The following CHAC2 variants were observed in gnomAD, a reference collection of about 807,000 sequenced individuals.
CHAC2 encodes the protein ChaC glutathione specific gamma-glutamylcyclotransferase 2.
A neutral mutation model predicts 16.9 loss-of-function variants in CHAC2; 20 were observed. The observed-to-expected ratio is 1.18, with a 90% CI of 0.83 to 1.72. CHAC2 has a LOEUF of 1.72. CHAC2 is among the 40% of genes most tolerant of loss of function. The pLI, the probability that CHAC2 is intolerant of heterozygous loss-of-function variation, is 0.00. For synonymous variants in CHAC2, 91 were observed against 77.3 expected (o/e 1.18, Z -0.93); for missense variants, 269 against 222.2 (o/e 1.21, Z -1.34).
chr2:53,772,495 G>C (rs1674013679), intron 2 of CHAC2, among the ~76,000 whole-genome samples: 1 of 151,940 alleles, frequency 6.6e-6, no homozygotes, highest in Non-Finnish European at 1.5e-5. Flanking sequence ...TTAAAAACAA[G>C]TTTATTAACT....
chr2:53,769,722 A>G (rs1406749358), intron 1 of CHAC2, among the ~76,000 whole-genome samples: 3 of 152,194 alleles, frequency 2.0e-5, no homozygotes, highest in African/African-American at 7.2e-5. Flanking sequence ...GGCGCACGCC[A>G]GTAGAGTCCC....
At chr2:53,768,578 G>C (rs1429587418) in intron 1 of CHAC2, among the ~76,000 whole-genome samples, 4 of 152,160 alleles carry the variant, frequency 2.6e-5, no homozygotes, top group African/African-American at 9.7e-5. Context: ...ATTTTCGCTG[G>C]TTATTAAGGA....
At position 53,767,923 on chromosome 2, in the gene CHAC2, G is replaced by A. The variant is rs139058901; in HGVS notation, c.37G>A (p.Val13Met). The A allele has an allele frequency of 1.2e-6, 2 of 1,613,830 alleles. No individual in the cohort carries two copies. Among genetic ancestry groups the A allele is most frequent in the Non-Finnish European group, 1.7e-6 (2 of 1,179,934 alleles). Residue 13 changes from valine to methionine, a missense_variant, in exon 1 of 3, where the codon GTG becomes ATG. Physicochemically the swap from Val to Met is conservative, Grantham distance 21. Transcript: ENST00000295304. ...VFGYGSLIWK[V>M]DFPYQDKLVG... Reference sequence around the variant, plus strand: ...TGGTTACGGGTCCCTGATCTGGAAGGTGGATTTCCCCTATCAGGACAAGCT... The same window carrying A: ...TGGTTACGGGTCCCTGATCTGGAAGATGGATTTCCCCTATCAGGACAAGCT...
chr2:53,767,878 C>T lies in CHAC2; in HGVS notation c.-9C>T, dbSNP rs748378061. 3 of 1,603,306 alleles carry T rather than the reference C, an allele frequency of 1.9e-6. No homozygotes were observed. Among genetic ancestry groups the T allele is most frequent in the Non-Finnish European group, 2.6e-6 (3 of 1,175,112 alleles). The stretch of plus-strand genomic sequence containing the variant: ...TTCACGGCCACTGGGGCAGAGGAGC[C>T]GCGAGAAGATGTGGGTTTTTGGTTA... On this transcript the variant is annotated 5_prime_UTR_variant, in exon 1 of 3. Coordinates refer to ENST00000295304, the MANE Select transcript of CHAC2 (RefSeq NM_001008708.4).
At position 53,774,478 on chromosome 2, in the gene CHAC2, T is replaced by A. The variant is rs769456826; in HGVS notation, c.508T>A (p.Leu170Ile). 2 of 1,585,990 alleles carry A rather than the reference T, an allele frequency of 1.3e-6. No individual in the cohort carries two copies. Among genetic ancestry groups the A allele is most frequent in the Non-Finnish European group, 1.7e-6 (2 of 1,170,516 alleles). The stretch of plus-strand genomic sequence containing the variant: ...TGAGCATCTTTTCGCTTTGGAAAAA[T>A]TAGTAAAGGAACGTTTAGAAGGGAA... ...ADEHLFALEK[L>I]VKERLEGKQN... Residue 170 changes from leucine (L) to isoleucine (I), a missense_variant, in exon 3 of 3, where the codon TTA becomes ATA. Coordinates refer to ENST00000295304, the MANE Select transcript of CHAC2 (RefSeq NM_001008708.4).
chr2:53,771,164 G>C (rs898263284), intron 1 of CHAC2, among the ~76,000 whole-genome samples: 2 of 152,144 alleles, frequency 1.3e-5, no homozygotes, highest in African/African-American at 2.4e-5. Flanking sequence ...CACTAAATTT[G>C]AAAGTCACTT....
intron 1 of CHAC2, among the ~76,000 whole-genome samples, chr2:53,771,415 A>AG (rs35718629): frequency 2.4e-4 from 36 of 152,158 alleles, no homozygotes; most frequent in Non-Finnish European, 4.1e-4. Flanking sequence ...CAGGAGGCTG[A>AG]GGTGAGAGAA....
rs1010559927 is a variant in CHAC2, at chr2:53,767,947, C to A, written c.61C>A (p.Leu21Met). The part of the protein sequence containing the change: ...WKVDFPYQDK[L>M]VGYITNYSRR... ...GGTGGATTTCCCCTATCAGGACAAG[C>A]TGGTCGGATACATCACCAACTACAG... Residue 21 changes from leucine to methionine, a missense_variant, in exon 1 of 3, where the codon CTG becomes ATG. By Grantham distance (15) the Leu-to-Met change is conservative. Transcript: ENST00000295304. 3.1e-6 allele frequency: 5 copies of A among 1,614,050 alleles called. No homozygotes were observed. Among genetic ancestry groups the A allele is most frequent in the East Asian group, 2.2e-5 (1 of 44,896 alleles).
At chr2:53,768,647 A>G (rs1336942064) in intron 1 of CHAC2, among the ~76,000 whole-genome samples, 1 of 152,244 alleles carries the variant, frequency 6.6e-6, no homozygotes, top group African/African-American at 2.4e-5. Flanking sequence ...TATGAATAAC[A>G]TAGTACCAAA....
chr2:53,768,520 C>CA (rs1673660810), intron 1 of CHAC2, among the ~76,000 whole-genome samples: 2 of 152,166 alleles, frequency 1.3e-5, no homozygotes, highest in African/African-American at 4.8e-5. Context: ...TTACATCTTT[C>CA]AAAAGTTTTA....
At chr2:53,768,674 G>A (rs1372813571) in intron 1 of CHAC2, among the ~76,000 whole-genome samples, 3 of 152,176 alleles carry the variant, frequency 2.0e-5, no homozygotes, top group African/African-American at 7.2e-5. Context: ...ACTATATCCA[G>A]CATTATTTTA....
chr2:53,770,115 ATCC>A (rs1673790604), intron 1 of CHAC2, among the ~76,000 whole-genome samples: 1 of 152,226 alleles, frequency 6.6e-6, no homozygotes, highest in Non-Finnish European at 1.5e-5. Flanking sequence ...ATATATATAT[ATCC>A]TCATTGTAGC....
chr2:53,771,853 TACTTAATGA>T (rs1673935517), intron 1 of CHAC2, 45 bp from the exon 2 acceptor site: 14 of 956,116 alleles, frequency 1.5e-5, no homozygotes, highest in Non-Finnish European at 2.3e-5. Context: ...AATGCTCAGC[TACTTAATGA>T]ACTTTATTAA....
intron 2 of CHAC2, among the ~76,000 whole-genome samples, chr2:53,772,734 G>A (rs974964064): frequency 7.2e-5 from 11 of 152,130 alleles, no homozygotes; most frequent in African/African-American, 2.4e-4. Flanking sequence ...GAGTACATGT[G>A]CAGGATGTGC....
intron 1 of CHAC2, among the ~76,000 whole-genome samples, chr2:53,771,539 A>G (rs1243199053): frequency 6.6e-6 from 1 of 152,134 alleles, no homozygotes; most frequent in Non-Finnish European, 1.5e-5. Flanking sequence ...AAATAAATAA[A>G]ACTATAACAT....
Position 53,769,595 on chromosome 2 carries a change from C to T in CHAC2, c.135+1574C>T, listed in dbSNP as rs954057980. On this transcript the variant is annotated intron_variant, in intron 1 of 2. Transcript: ENST00000295304. ...GGCGTGGTGGTTCCCGCCTATAATC[C>T]CAGCACTTTAGGAGGCCTAGGCGGG... Among the ~76,000 whole-genome samples, 3 of 152,160 alleles carry T rather than the reference C, an allele frequency of 2.0e-5. 1 individual carries two copies. Among genetic ancestry groups the T allele is most frequent in the Non-Finnish European group, 4.4e-5 (3 of 68,042 alleles).
chr2:53,772,238 G>A (rs1309948599), intron 2 of CHAC2, among the ~76,000 whole-genome samples: 2 of 152,092 alleles, frequency 1.3e-5, no homozygotes, highest in South Asian at 2.1e-4. Flanking sequence ...GCAGTGGCGC[G>A]ATCTCGGCTC....
At chr2:53,769,351 C>T (rs116797837) in intron 1 of CHAC2, among the ~76,000 whole-genome samples, 51 of 152,110 alleles carry the variant, frequency 3.4e-4, no homozygotes, top group African/African-American at 1.1e-3. Flanking sequence ...ATTGCCATTC[C>T]GAAAAGAAAA....
At position 53,769,022 on chromosome 2, in the gene CHAC2, G is replaced by C. The variant is rs140488520; in HGVS notation, c.135+1001G>C. Among the ~76,000 whole-genome samples the C allele has an allele frequency of 1.7e-4, 26 of 152,362 alleles. No homozygotes were observed. In the East Asian group the frequency reaches 3.5e-3, roughly 20 times the overall value. On this transcript the variant is annotated intron_variant, in intron 1 of 2. Transcript: ENST00000295304. Reference sequence around the variant, plus strand: ...ATTCTATCTCAACTAGAGTTGGTCAGTTAAGAACTTGGCTTTTAAGTAGAC... The same window carrying C: ...ATTCTATCTCAACTAGAGTTGGTCACTTAAGAACTTGGCTTTTAAGTAGAC...
Sources: gnomAD v4.1 joint callset for allele counts (sites outside exome capture counted in the v4.1 genomes callset) on GRCh38, gnomAD v4.1.1 for gene constraint, MANE v1.5 for transcripts, NCBI Gene and HGNC (gene_info 2026-07-23, HGNC 2026-07-21) for gene names.